Variants in BRINP2 observed in about 807,000 individuals in gnomAD.
BRINP2 encodes BMP/retinoic acid inducible neural specific 2, also known as BMP/retinoic acid-inducible neural-specific protein 2.
In BRINP2, 21 loss-of-function variants were observed where a neutral mutation model predicts 69.2. The observed-to-expected ratio is 0.30, with a 90% CI of 0.22 to 0.44. The LOEUF (loss-of-function observed/expected upper bound fraction) is 0.44. BRINP2 is among the 20% of genes least tolerant of loss of function. The probability of loss-of-function intolerance (pLI) is 1.00; values close to 1 mark genes in which losing one functional copy is unlikely to be tolerated. For synonymous variants in BRINP2, 380 were observed against 394.1 expected, an observed-to-expected ratio of 0.96 and a Z score of 0.42; for missense variants, 877 against 986.0, an observed-to-expected ratio of 0.89 and a Z score of 1.48.
At chr1:177,258,428 A>G (rs923152244) in intron 4 of BRINP2, among the ~76,000 whole-genome samples, 4 of 152,252 alleles carry the variant, frequency 2.6e-5, no homozygotes, top group Non-Finnish European at 5.9e-5. Context: ...AGAATACAAG[A>G]ATGAACAAAA....
chr1:177,182,484 C>T (rs1222203735), intron 1 of BRINP2, among the ~76,000 whole-genome samples: 3 of 152,114 alleles, frequency 2.0e-5, no homozygotes, highest in East Asian at 3.9e-4. Flanking sequence ...TCTTTACATA[C>T]GCTGCATCAC....
chr1:177,196,482 G>C (rs940184939), intron 1 of BRINP2, among the ~76,000 whole-genome samples: 28 of 152,142 alleles, frequency 1.8e-4, no homozygotes, highest in African/African-American at 6.8e-4. Flanking sequence ...GCTGAATGTG[G>C]TGGTGCATGC....
At position 177,257,484 on chromosome 1, in the gene BRINP2, A is replaced by G. The variant is rs1650808320; in HGVS notation, c.669+100A>G. The G allele has an allele frequency of 7.0e-6, 8 of 1,147,254 alleles. No homozygotes were observed. The South Asian group carries it at 1.3e-4, about 19-fold the overall frequency. 71.1% of individuals were successfully genotyped at this position (1,147,254 alleles called of 1,614,324 possible). On this transcript the variant is annotated intron_variant, in intron 4 of 7. Coordinates refer to ENST00000361539, the MANE Select transcript of BRINP2 (RefSeq NM_021165.4). ...ATCTCTAGGTCAGCTGGGCCGACTGATGGAAGAGGAAAAGAAGCTTTCTGA... is the reference window on the plus strand; with the variant it reads ...ATCTCTAGGTCAGCTGGGCCGACTGGTGGAAGAGGAAAAGAAGCTTTCTGA...
intron 1 of BRINP2, among the ~76,000 whole-genome samples, chr1:177,195,203 A>G (rs1031234559): frequency 3.3e-5 from 5 of 152,032 alleles, no homozygotes; most frequent in African/African-American, 9.7e-5. Flanking sequence ...AAGGACAAAT[A>G]TTTGCCACCA....
intron 2 of BRINP2, among the ~76,000 whole-genome samples, chr1:177,235,913 T>C (rs573024768): frequency 6.6e-6 from 1 of 152,212 alleles, no homozygotes; most frequent in East Asian, 1.9e-4. Context: ...CAAAGTAAAA[T>C]GGTTGATCTC....
intron 1 of BRINP2, among the ~76,000 whole-genome samples, chr1:177,175,322 T>G (rs1008591822): frequency 2.0e-5 from 3 of 152,074 alleles, no homozygotes; most frequent in African/African-American, 7.2e-5. Flanking sequence ...TGCCTGAAGC[T>G]GTACCACAGG....
At position 177,171,454 on chromosome 1, in the gene BRINP2, T is replaced by G. The variant is rs1647926212; in HGVS notation, c.-355T>G. ...AAGGCAGCAGGCAAGTGGTCTAACG[T>G]TGGCGGCGGTGGCGGTGGCGGCGGC... On this transcript the variant is annotated 5_prime_UTR_variant, in exon 1 of 8. Transcript: ENST00000361539. 1 of 163,300 alleles carries G rather than the reference T, an allele frequency of 6.1e-6. No homozygotes were observed. Among genetic ancestry groups the G allele is most frequent in the Non-Finnish European group, 1.3e-5 (1 of 76,298 alleles). The allele number at this position is 163,300 out of a possible 1,614,324, so 10.1% of individuals were successfully genotyped here.
Position 177,230,030 on chromosome 1 carries a change from C to A in BRINP2, c.154C>A (p.Gln52Lys). 1 of 1,613,806 alleles carries A rather than the reference C, an allele frequency of 6.2e-7. No homozygotes were observed. Among genetic ancestry groups the A allele is most frequent in the Non-Finnish European group, 8.5e-7 (1 of 1,180,004 alleles). The change falls in exon 2 of 8, where the codon CAG (glutamine) becomes AAG (lysine). Residue 52 changes from glutamine (Q) to lysine (K), a missense_variant. Physicochemically the swap from Gln to Lys is moderately conservative, Grantham distance 53 (BLOSUM62 1). Coordinates refer to ENST00000361539, the MANE Select transcript of BRINP2 (RefSeq NM_021165.4). ...CGAGCAGCATGCCTCCGTAGCTGGC[C>A]AGCATCCCCTGGACTGGCTGCTCAC... ...VPEQHASVAG[Q>K]HPLDWLLTDR... is the part of the protein sequence containing the mutation.
chr1:177,181,066 C>A (rs72720756), intron 1 of BRINP2, among the ~76,000 whole-genome samples: 4,167 of 152,092 alleles, frequency 0.027, 62 homozygotes, highest in African/African-American at 0.047. Flanking sequence ...CTATTATTCT[C>A]GTTTTGAAGA....
rs1265053958 is a variant in BRINP2 at position 177,230,002 on chromosome 1, C to T, written c.126C>T (p.Val42=). 3 of 1,613,554 alleles carry T rather than the reference C, an allele frequency of 1.9e-6. No individual in the cohort carries two copies. The Admixed American group carries it at 5.0e-5, about 27-fold the overall frequency. The change falls in exon 2 of 8, where the codon GTC becomes GTT. Residue 42 remains valine (V), a synonymous_variant. Coordinates refer to ENST00000361539, the MANE Select transcript of BRINP2 (RefSeq NM_021165.4). ...LAVSATAAAV[V]PEQHASVAGQ... ...TCTCAGCCACGGCGGCTGCTGTGGT[C>T]CCCGAGCAGCATGCCTCCGTAGCTG... is the stretch of plus-strand genomic sequence containing the variant.
At chr1:177,179,567 G>GCACACACACACTCTTTCTCT (rs796470125) in intron 1 of BRINP2, among the ~76,000 whole-genome samples, 3,611 of 150,838 alleles carry the variant, frequency 0.024, 55 homozygotes, top group African/African-American at 0.04. Flanking sequence ...AGGAAGCATG[G>GCACACACACACTCTTTCTCT]CACACACACA....
chr1:177,278,539 C>G, intron 6 of BRINP2, 24 bp from the exon 7 acceptor site: 5 of 1,611,862 alleles, frequency 3.1e-6, no homozygotes, highest in Non-Finnish European at 4.2e-6. Context: ...CCCGTCAGCT[C>G]AGGTCCTGTG....
intron 1 of BRINP2, among the ~76,000 whole-genome samples, chr1:177,206,060 ATGT>A (rs1364425524): frequency 1.3e-5 from 2 of 152,160 alleles, no homozygotes; most frequent in Non-Finnish European, 2.9e-5. Context: ...GAGACGTGAG[ATGT>A]TGTGAGAATA....
intron 2 of BRINP2, among the ~76,000 whole-genome samples, chr1:177,234,928 G>A (rs1229422801): frequency 6.6e-6 from 1 of 152,176 alleles, no homozygotes; most frequent in Non-Finnish European, 1.5e-5. Flanking sequence ...TCAGGTGATT[G>A]GTGAATGAGG....
rs541416557 is a variant in BRINP2, at chr1:177,241,296, G to A, written c.269+11151G>A. The stretch of plus-strand genomic sequence containing the variant: ...CACTGAAGCCAATTTTTATTCAGCA[G>A]CCTAAAACATTATGAAGATCTTTTG... On this transcript the variant is annotated intron_variant, in intron 2 of 7. Coordinates refer to ENST00000361539, the MANE Select transcript of BRINP2 (RefSeq NM_021165.4). 2.0e-5 allele frequency among the ~76,000 whole-genome samples: 3 copies of A among 152,258 alleles called. No homozygotes were observed. In the South Asian group the frequency reaches 6.2e-4, roughly 32 times the overall value.
chr1:177,254,905 G>C (rs891448133), intron 2 of BRINP2, among the ~76,000 whole-genome samples: 6 of 152,148 alleles, frequency 3.9e-5, no homozygotes, highest in African/African-American at 1.4e-4. Flanking sequence ...ATAATGAAAA[G>C]TGTCAAAATG....
intron 1 of BRINP2, among the ~76,000 whole-genome samples, chr1:177,178,789 T>C (rs1648162088): frequency 1.3e-5 from 2 of 152,156 alleles, no homozygotes; most frequent in Admixed American, 6.5e-5. Context: ...GTCATATTCC[T>C]AGGCACTGAG....
At chr1:177,176,384 T>C (rs111739310) in intron 1 of BRINP2, among the ~76,000 whole-genome samples, 28 of 152,262 alleles carry the variant, frequency 1.8e-4, no homozygotes, top group Middle Eastern at 6.8e-3. Flanking sequence ...TTAATCTTCA[T>C]TACATGTTAA....
At chr1:177,230,280 C>T in intron 2 of BRINP2, 135 bp downstream of exon 2, 1 of 956,876 alleles carries the variant, frequency 1.0e-6, no homozygotes, top group Non-Finnish European at 1.5e-6. Flanking sequence ...GCTGGAGGAA[C>T]ACCAGGCAGG....
Sources: allele counts gnomAD v4.1 joint callset (sites outside exome capture counted in the v4.1 genomes callset), GRCh38; gene constraint gnomAD v4.1.1; transcripts MANE v1.5; gene names NCBI Gene and HGNC (gene_info 2026-07-23, HGNC 2026-07-21).